NDUFAF6: variants seen among roughly 807,000 people sequenced by gnomAD.
NDUFAF6 encodes NADH:ubiquinone oxidoreductase complex assembly factor 6.
In NDUFAF6, 45 loss-of-function variants were observed where a neutral mutation model predicts 40.8. The ratio of observed to expected loss-of-function variants is 1.10; its 90% CI spans 0.87 to 1.42. The LOEUF is 1.42. Ranked by LOEUF, NDUFAF6 falls within the 40% of genes most tolerant of loss-of-function variation. NDUFAF6 has a pLI of 0.00. For missense variants in NDUFAF6, 435 were observed against 418.5 expected (o/e 1.04, Z -0.34); for synonymous variants, 185 against 155.9 (o/e 1.19, Z -1.39).
At chr8:95,101,954 G>A (rs979495560) in intron 2 of NDUFAF6, among the ~76,000 whole-genome samples, 2 of 151,984 alleles carry the variant, frequency 1.3e-5, no homozygotes, top group African/African-American at 2.4e-5. Flanking sequence ...GAGCAGCCAC[G>A]TGATCATTTG....
chr8:94,973,076 C>G (rs1327955806), intron 1 of NDUFAF6, among the ~76,000 whole-genome samples: 1 of 152,100 alleles, frequency 6.6e-6, no homozygotes, highest in Non-Finnish European at 1.5e-5. Context: ...GACTCTGTCT[C>G]TAACTAGCTA....
At chr8:95,111,061 T>C (rs1161236701) in intron 4 of NDUFAF6, among the ~76,000 whole-genome samples, 1 of 151,830 alleles carries the variant, frequency 6.6e-6, no homozygotes, top group Non-Finnish European at 1.5e-5. Context: ...AAGCCAGAGG[T>C]TCTTACCCAC....
chr8:95,050,120 A>G (rs1831263555), intron 7 of NDUFAF6, among the ~76,000 whole-genome samples: 1 of 152,188 alleles, frequency 6.6e-6, no homozygotes, highest in African/African-American at 2.4e-5. Context: ...TGAGCACACT[A>G]CAGAATCATG....
rs186872935 is a variant in NDUFAF6, at chr8:95,001,164, C to T, written c.-84+20191C>T. 9.9e-3 allele frequency among the ~76,000 whole-genome samples: 1,508 copies of T among 152,006 alleles called. 27 individuals carry two copies. The highest frequency in any genetic ancestry group is 0.035 in the African/African-American group (1,438 of 41,422). On this transcript the variant is annotated intron_variant, in intron 2 of 9. Coordinates refer to the NDUFAF6 transcript ENST00000396111. Reference sequence around the variant, plus strand: ...AGGGTTGAGGTCTCGCTATGTTGCCCAGGTTGGTCTTGAACTCCTGAACTC... The same window carrying T: ...AGGGTTGAGGTCTCGCTATGTTGCCTAGGTTGGTCTTGAACTCCTGAACTC...
upstream of NDUFAF6, among the ~76,000 whole-genome samples, chr8:94,956,362 C>T (rs988030723): frequency 6.6e-6 from 1 of 152,140 alleles, no homozygotes; most frequent in Non-Finnish European, 1.5e-5. Context: ...AAGGGGCAAG[C>T]AAGCTCTGTG....
Position 95,025,098 on chromosome 8 carries a change from C to T in NDUFAF6, c.90C>T (p.Tyr30=). The stretch of plus-strand genomic sequence containing the variant: ...GCCGCCGGCCGCCTCTGGGTCTGTA[C>T]GCGCGCATGCGGCGGCTGCCCGGGC... ...LCCRRPPLGL[Y]ARMRRLPGPE... is the part of the protein sequence containing the mutation. Residue 30 remains tyrosine (Y), a synonymous_variant, in exon 1 of 9, where the codon TAC becomes TAT. Transcript: ENST00000396124. The T allele has an allele frequency of 6.7e-7, 1 of 1,483,422 alleles. No homozygotes were observed. The highest frequency in any genetic ancestry group is 8.9e-7 in the Non-Finnish European group (1 of 1,127,500). The allele number at this position is 1,483,422 out of a possible 1,614,324, so 91.9% of individuals were successfully genotyped here.
chr8:94,997,343 C>CACACACACACACAG (rs1242904810), intron 2 of NDUFAF6, among the ~76,000 whole-genome samples: 34 of 90,564 alleles, frequency 3.8e-4, no homozygotes, highest in Admixed American at 1.7e-3. Flanking sequence ...CACACACACA[C>CACACACACACACAG]AGAGAGAGAG....
chr8:95,020,308 G>GT (rs560740170), upstream of NDUFAF6, among the ~76,000 whole-genome samples: 6 of 152,304 alleles, frequency 3.9e-5, no homozygotes, highest in South Asian at 1.2e-3. Flanking sequence ...TCAGATAACT[G>GT]TAAGGCTTGA....
intron 4 of NDUFAF6, among the ~76,000 whole-genome samples, chr8:95,109,659 T>G (rs1490597659): frequency 3.9e-5 from 6 of 152,172 alleles, no homozygotes; most frequent in Non-Finnish European, 8.8e-5. Flanking sequence ...ATTTGTCTTC[T>G]CATGACCCCA....
upstream of NDUFAF6, among the ~76,000 whole-genome samples, chr8:95,097,088 C>G (rs1809489943): frequency 6.6e-6 from 1 of 152,212 alleles, no homozygotes; most frequent in Non-Finnish European, 1.5e-5. Flanking sequence ...TGAACAGACT[C>G]ATTTGTACGT....
intron 2 of NDUFAF6, among the ~76,000 whole-genome samples, chr8:95,094,587 A>G (rs1370633850): frequency 6.9e-6 from 1 of 145,126 alleles, no homozygotes; most frequent in Non-Finnish European, 1.5e-5. Flanking sequence ...TAATTTTTAT[A>G]TTTTTTTAGT....
chr8:94,914,865 C>T (rs1490281736), intron 1 of NDUFAF6, among the ~76,000 whole-genome samples: 1 of 151,972 alleles, frequency 6.6e-6, no homozygotes, highest in African/African-American at 2.4e-5. Context: ...ACATGTGGAA[C>T]CACATATACA....
intron 1 of NDUFAF6, among the ~76,000 whole-genome samples, chr8:94,921,272 G>C (rs1306681910): frequency 6.6e-6 from 1 of 152,198 alleles, no homozygotes; most frequent in Non-Finnish European, 1.5e-5. Context: ...GAATCTTCAA[G>C]TGTTTCTTGA....
intron 1 of NDUFAF6, among the ~76,000 whole-genome samples, chr8:94,898,798 A>G (rs1181648082): frequency 1.3e-5 from 2 of 152,188 alleles, no homozygotes; most frequent in African/African-American, 2.4e-5. Context: ...ATTTATTCCT[A>G]TCAGTATGCA....
chr8:94,904,151 TG>T (rs1462426022), intron 1 of NDUFAF6, among the ~76,000 whole-genome samples: 8 of 147,982 alleles, frequency 5.4e-5, no homozygotes, highest in Non-Finnish European at 1.2e-4. Context: ...TTTTGTTTTT[TG>T]GTTTTTTTTG....
chr8:95,065,229 C>T (rs1480620796), intron 9 of NDUFAF6, among the ~76,000 whole-genome samples: 1 of 152,152 alleles, frequency 6.6e-6, no homozygotes, highest in African/African-American at 2.4e-5. Context: ...GTAAAACAAC[C>T]TTGGGCATGC....
At chr8:95,038,577 A>T (rs551953536) in intron 3 of NDUFAF6, among the ~76,000 whole-genome samples, 15 of 152,080 alleles carry the variant, frequency 9.9e-5, no homozygotes, top group South Asian at 6.2e-4. Context: ...TGAACTCCTG[A>T]GCTCAAGTGA....
chr8:94,993,289 C>T (rs1826272775), intron 2 of NDUFAF6, among the ~76,000 whole-genome samples: 1 of 152,194 alleles, frequency 6.6e-6, no homozygotes, highest in South Asian at 2.1e-4. Context: ...AATACAGTCA[C>T]ATCCAGAGGC....
At chr8:95,072,258 C>G (rs772669649) in intron 9 of NDUFAF6, among the ~76,000 whole-genome samples, 1 of 152,186 alleles carries the variant, frequency 6.6e-6, no homozygotes, top group Non-Finnish European at 1.5e-5. Context: ...GGGCTGCTCC[C>G]CATGCCAGAA....
Sources: gnomAD v4.1 joint callset for allele counts (sites outside exome capture counted in the v4.1 genomes callset) on GRCh38, gnomAD v4.1.1 for gene constraint, MANE v1.5 for transcripts, NCBI Gene and HGNC (gene_info 2026-07-23, HGNC 2026-07-21) for gene names.